Variants in PCM1 observed in about 807,000 individuals in gnomAD.
The protein encoded by PCM1 is pericentriolar material 1 protein.
PCM1 carries 157 observed loss-of-function variants against 241.9 expected under a neutral mutation model. The ratio of observed to expected loss-of-function variants is 0.65; its 90% CI spans 0.57 to 0.74. PCM1 has a LOEUF of 0.74. Ranked by LOEUF, PCM1 falls within the 30% of genes least tolerant of loss-of-function variation. PCM1 has a pLI of 0.00. For synonymous variants in PCM1, 1,085 were observed against 784.9 expected (o/e 1.38, Z -6.39); for missense variants, 3,478 against 2,360.1 (o/e 1.47, Z -9.81).
chr8:17,997,110 G>C (rs2087125768), intron 29 of PCM1, among the ~76,000 whole-genome samples: 1 of 152,140 alleles, frequency 6.6e-6, no homozygotes, highest in Non-Finnish European at 1.5e-5. Context: ...CTCAGCTTTT[G>C]TCTGGGAAAG....
intron 36 of PCM1, among the ~76,000 whole-genome samples, chr8:18,017,788 G>A (rs1324717131): frequency 1.3e-5 from 2 of 152,186 alleles, no homozygotes; most frequent in African/African-American, 2.4e-5. Context: ...AGTGGGTGGA[G>A]GTTGTCGTGA....
chr8:17,957,963 G>A (rs1782921223), intron 13 of PCM1, among the ~76,000 whole-genome samples, 188 bp downstream of exon 13: 1 of 152,178 alleles, frequency 6.6e-6, no homozygotes, highest in African/African-American at 2.4e-5. Context: ...TTAAGAGTGA[G>A]TTGGTTAGAT....
At chr8:17,959,660 C>A (rs944065950) in intron 13 of PCM1, among the ~76,000 whole-genome samples, 22 of 151,916 alleles carry the variant, frequency 1.4e-4, no homozygotes, top group African/African-American at 5.1e-4. Flanking sequence ...TCATATTTTT[C>A]TATATGTATT....
chr8:17,925,849 A>C (rs1371040079), intron 2 of PCM1: 1 of 152,178 alleles, frequency 6.6e-6, no homozygotes, highest in South Asian at 2.1e-4. Flanking sequence ...AAAAAAAGAA[A>C]CTTTTGTAGA....
intron 6 of PCM1, 136 bp downstream of exon 6, chr8:17,939,997 G>T: frequency 1.5e-6 from 2 of 1,308,852 alleles, no homozygotes; most frequent in South Asian, 1.3e-5. Flanking sequence ...ACAATTTATT[G>T]CCCATTTTAA....
chr8:17,963,051 C>G lies in PCM1; in HGVS notation c.2464-50C>G, dbSNP rs188824752. ...ACTAGTAGTCTTTTACTCTTTTAGG[C>G]TACAGCAAATCCAAATATTTATTTA... is the stretch of plus-strand genomic sequence containing the variant. On this transcript the variant is annotated intron_variant, in intron 16 of 38. Coordinates refer to ENST00000325083, the MANE Select transcript of PCM1 (RefSeq NM_006197.4). The G allele has an allele frequency of 5.6e-3, 7,787 of 1,402,936 alleles. 29 individuals carry two copies. The highest frequency in any genetic ancestry group is 6.5e-3 in the Non-Finnish European group (6,639 of 1,015,556). The allele number at this position is 1,402,936 out of a possible 1,614,324, so 86.9% of individuals were successfully genotyped here. A position where few individuals can be genotyped will look rare whatever the true frequency, so the allele number is the denominator to read the frequency against.
At chr8:17,941,147 A>C (rs2061901125) in intron 6 of PCM1, among the ~76,000 whole-genome samples, 1 of 152,182 alleles carries the variant, frequency 6.6e-6, no homozygotes, top group Admixed American at 6.5e-5. Context: ...AATGGATTTT[A>C]CTGTGGGGAA....
chr8:17,967,152 T>G lies in PCM1; in HGVS notation c.3394T>G (p.Phe1132Val). 1 of 1,592,700 alleles carries G rather than the reference T, an allele frequency of 6.3e-7. No homozygotes were observed. The highest frequency in any genetic ancestry group is 1.1e-5 in the South Asian group (1 of 87,726). The change falls in exon 21 of 39, where the codon TTT (phenylalanine) becomes GTT (valine). Residue 1132 changes from phenylalanine to valine, a missense_variant. Phe to Val is a conservative substitution (Grantham distance 50, BLOSUM62 -1). Transcript: ENST00000325083. ...NLFNIPGFTNFSSFAPGMNFS... is the reference protein window; with the variant it reads ...NLFNIPGFTNVSSFAPGMNFS... ...CTTCAATATACCTGGATTTACTAACTTTTCATCATTTGCACCAGGTAGGTG... is the reference window on the plus strand; with the variant it reads ...CTTCAATATACCTGGATTTACTAACGTTTCATCATTTGCACCAGGTAGGTG...
Position 17,972,473 on chromosome 8 carries a change from A to G in PCM1, c.3729A>G (p.Gln1243=), listed in dbSNP as rs767459395. ...EKSTSSNRKN[Q]LDTNGRRRQF... is the part of the protein sequence containing the mutation. The stretch of plus-strand genomic sequence containing the variant: ...CTACAAGTAGTAACCGCAAAAATCA[A>G]TTAGATACAAACGGAAGAAGACGCC... Residue 1243 remains glutamine (Q), a synonymous_variant, in exon 23 of 39, where the codon CAA becomes CAG. Coordinates refer to ENST00000325083, the MANE Select transcript of PCM1 (RefSeq NM_006197.4). 2.5e-6 allele frequency: 4 copies of G among 1,613,784 alleles called. No homozygotes were observed. Among genetic ancestry groups the G allele is most frequent in the African/African-American group, 1.3e-5 (1 of 74,930 alleles).
intron 2 of PCM1, among the ~76,000 whole-genome samples, chr8:17,929,895 C>G (rs968371985): frequency 4.6e-5 from 7 of 152,096 alleles, no homozygotes; most frequent in South Asian, 2.1e-4. Flanking sequence ...ATAAAAGTTA[C>G]AAGAATGTGG....
chr8:18,018,503 G>T (rs1588646004), intron 36 of PCM1, among the ~76,000 whole-genome samples: 2 of 152,172 alleles, frequency 1.3e-5, no homozygotes, highest in South Asian at 4.1e-4. Flanking sequence ...ACAATTCCTT[G>T]TACTTGTCTC....
At chr8:17,942,303 C>T (rs1445893608) in intron 6 of PCM1, among the ~76,000 whole-genome samples, 2 of 152,022 alleles carry the variant, frequency 1.3e-5, no homozygotes, top group Admixed American at 1.3e-4. Context: ...CCTGTCTCTA[C>T]TAAAAATACA....
chr8:17,989,166 C>T (rs1274162688), intron 26 of PCM1, among the ~76,000 whole-genome samples: 1 of 151,938 alleles, frequency 6.6e-6, no homozygotes, highest in African/African-American at 2.4e-5. Context: ...CAGAAACATA[C>T]TAAGTGAAAA....
rs573143151 is a variant in PCM1, at chr8:18,022,153, A to C, written c.5842-3208A>C. ...GGGTCCATCTATCTCAAGTAGAGAG[A>C]GCTTCCTTAGACTCTTGGACTTGAC... On this transcript the variant is annotated intron_variant, in intron 36 of 38. Coordinates refer to ENST00000325083, the MANE Select transcript of PCM1 (RefSeq NM_006197.4). 1.3e-4 allele frequency among the ~76,000 whole-genome samples: 20 copies of C among 152,220 alleles called. 1 individual carries two copies. The highest frequency in any genetic ancestry group is 4.3e-4 in the African/African-American group (18 of 41,492).
In PCM1 at chr8:17,986,023, C is replaced by G. The variant is rs573007963; in HGVS notation, c.4346C>G (p.Ser1449Cys). The G allele has an allele frequency of 3.1e-6, 5 of 1,599,224 alleles. No homozygotes were observed. The highest frequency in any genetic ancestry group is 3.4e-5 in the Admixed American group (2 of 59,196). ...GGAGAAAATGTAAAGTCAGTAAACT[C>G]TGGTACTTGGATAGCATCAAACTCA... ...EKGENVKSVN[S>C]GTWIASNSEL... The change falls in exon 26 of 39, where the codon TCT becomes TGT. Residue 1449 changes from serine to cysteine, a missense_variant. Coordinates refer to ENST00000325083, the MANE Select transcript of PCM1 (RefSeq NM_006197.4).
At chr8:17,953,415 T>G (rs2066817338) in intron 9 of PCM1, among the ~76,000 whole-genome samples, 1 of 152,174 alleles carries the variant, frequency 6.6e-6, no homozygotes, top group Non-Finnish European at 1.5e-5. Flanking sequence ...AAGTTGGACC[T>G]TGAAAAATTA....
At position 18,027,898 on chromosome 8, in the gene PCM1, A is replaced by AT. The variant is rs34332429; in HGVS notation, c.*243dup. Reference sequence around the variant, plus strand: ...TTTCCCCCTTCTTTTTTGGGTCTTCATTTTTTTCCCCATTGTGATGTTTGG... The same window carrying AT: ...TTTCCCCCTTCTTTTTTGGGTCTTCATTTTTTTTCCCCATTGTGATGTTTGG... On this transcript the variant is annotated 3_prime_UTR_variant, in exon 39 of 39. Transcript: ENST00000325083. The AT allele has an allele frequency of 0.47, 175,534 of 373,642 alleles. 44,905 individuals carry two copies. The highest frequency in any genetic ancestry group is 0.56 in the Non-Finnish European group (117,875 of 211,264). 23.1% of individuals were successfully genotyped at this position (373,642 alleles called of 1,614,324 possible).
intron 23 of PCM1, among the ~76,000 whole-genome samples, chr8:17,975,608 T>C (rs1167198091): frequency 6.6e-6 from 1 of 152,118 alleles, no homozygotes. Flanking sequence ...ATGACAGATA[T>C]TTCAGCATAG....
chr8:18,000,574 A>G (rs918234310), intron 29 of PCM1, among the ~76,000 whole-genome samples: 4 of 150,766 alleles, frequency 2.7e-5, no homozygotes, highest in Admixed American at 1.3e-4. Context: ...GATTTACCAA[A>G]ATGAAGAAGG....
Sources: allele counts gnomAD v4.1 joint callset (sites outside exome capture counted in the v4.1 genomes callset), GRCh38; gene constraint gnomAD v4.1.1; transcripts MANE v1.5; gene names NCBI Gene and HGNC (gene_info 2026-07-23, HGNC 2026-07-21).